The following ERBB4 variants were observed in gnomAD, a reference collection of about 807,000 sequenced individuals.
The protein encoded by ERBB4 is erb-b2 receptor tyrosine kinase 4, also known as receptor tyrosine-protein kinase erbB-4.
A neutral mutation model predicts 158.0 loss-of-function variants in ERBB4; 42 were observed. The observed-to-expected ratio is 0.27, with a 90% CI of 0.21 to 0.34. The LOEUF is 0.34. Among genes scored for constraint, ERBB4 ranks in the 10% least tolerant of loss-of-function variants. The pLI is 1.00. For missense variants in ERBB4, 1,333 were observed against 1,624.1 expected, an observed-to-expected ratio of 0.82 and a Z score of 3.08; for synonymous variants, 583 against 558.7, an observed-to-expected ratio of 1.04 and a Z score of -0.61.
intron 8 of ERBB4, 127 bp from the exon 9 acceptor site, chr2:211,712,303 T>A (rs1456382078): frequency 7.2e-6 from 7 of 977,270 alleles, no homozygotes; most frequent in Non-Finnish European, 9.2e-6. Context: ...ACAAATTTTG[T>A]TTTCTAAAAA....
intron 2 of ERBB4, among the ~76,000 whole-genome samples, chr2:211,985,785 C>CA (rs1487968877): frequency 6.6e-6 from 1 of 151,896 alleles, no homozygotes; most frequent in Non-Finnish European, 1.5e-5. Context: ...TATGGGCAGT[C>CA]ATACTAAAAA....
intron 1 of ERBB4, among the ~76,000 whole-genome samples, chr2:212,363,018 T>C (rs144728315): frequency 0.016 from 2,370 of 151,536 alleles, 26 homozygotes; most frequent in South Asian, 0.066. Context: ...GTATACAATA[T>C]ACATTAATTT....
In ERBB4 at chr2:212,260,664, T is replaced by A. The variant is rs542666401; in HGVS notation, c.83-135761A>T. Among the ~76,000 whole-genome samples the A allele has an allele frequency of 7.6e-4, 116 of 152,016 alleles. 1 individual carries two copies. In the South Asian group the frequency reaches 0.024, roughly 31 times the overall value. On this transcript the variant is annotated intron_variant, in intron 1 of 27. Transcript: ENST00000342788. ...CCCGTCTCTACTAAAAATACAAAAA[T>A]TAGCTGAGCATGGTGGCGGGTGCTT...
intron 20 of ERBB4, among the ~76,000 whole-genome samples, chr2:211,492,081 A>AAG (rs2125573131): frequency 6.6e-6 from 1 of 151,974 alleles, no homozygotes; most frequent in African/African-American, 2.4e-5. Flanking sequence ...AAAAAAAAAA[A>AAG]GAATTAAGCA....
At chr2:212,236,935 T>C (rs33999773) in intron 1 of ERBB4, among the ~76,000 whole-genome samples, 8,135 of 152,202 alleles carry the variant, frequency 0.053, 233 homozygotes, top group Middle Eastern at 0.088. Flanking sequence ...ATTCATTGCT[T>C]TTTTGAAGGG....
chr2:211,524,910 G>GT (rs2066303731), intron 20 of ERBB4, among the ~76,000 whole-genome samples: 1 of 152,192 alleles, frequency 6.6e-6, no homozygotes, highest in South Asian at 2.1e-4. Flanking sequence ...AGCGAGGGCT[G>GT]TAAGGACTGC....
At position 212,469,083 on chromosome 2, in the gene ERBB4, A is replaced by G. The variant is rs10191727; in HGVS notation, c.82+69366T>C. Among the ~76,000 whole-genome samples the G allele has an allele frequency of 3.3e-3, 496 of 152,310 alleles. 2 individuals are homozygous for G. Among genetic ancestry groups the G allele is most frequent in the African/African-American group, 0.011 (475 of 41,584 alleles). ...GTGAATCAAAAGAAATCAAATATCCAAGAAATAGATTTCTTTCTTTATATC... is the reference window on the plus strand; with the variant it reads ...GTGAATCAAAAGAAATCAAATATCCGAGAAATAGATTTCTTTCTTTATATC... On this transcript the variant is annotated intron_variant, in intron 1 of 27. Coordinates refer to ENST00000342788, the MANE Select transcript of ERBB4 (RefSeq NM_005235.3).
chr2:211,944,081 C>CTACATATA (rs71397154), intron 3 of ERBB4, among the ~76,000 whole-genome samples: 1 of 133,600 alleles, frequency 7.5e-6, no homozygotes, highest in African/African-American at 2.9e-5. Flanking sequence ...CATGGTTACA[C>CTACATATA]TATATATATA....
At chr2:211,753,741 A>G (rs2075203748) in intron 4 of ERBB4, among the ~76,000 whole-genome samples, 1 of 147,492 alleles carries the variant, frequency 6.8e-6, no homozygotes. Context: ...TTGTTTATAT[A>G]TATATATTTA....
chr2:211,961,689 A>T (rs1206842850), intron 2 of ERBB4, among the ~76,000 whole-genome samples: 1 of 152,182 alleles, frequency 6.6e-6, no homozygotes, highest in Non-Finnish European at 1.5e-5. Flanking sequence ...AAGTCTCTGG[A>T]TCCAGCTGCC....
rs187344070 is a variant in ERBB4 at position 211,629,579 on chromosome 2, G to A, written c.2079+883C>T. 4.2e-3 allele frequency among the ~76,000 whole-genome samples: 639 copies of A among 152,152 alleles called. 3 individuals are homozygous for A. Among genetic ancestry groups the A allele is most frequent in the African/African-American group, 0.014 (586 of 41,514 alleles). On this transcript the variant is annotated intron_variant, in intron 17 of 27. Coordinates refer to ENST00000342788, the MANE Select transcript of ERBB4 (RefSeq NM_005235.3). ...TTCATATGGAACCAAAAAAGAGCCC[G>A]CATTGCCAAGTCAATCCTAAGCTAA...
intron 2 of ERBB4, among the ~76,000 whole-genome samples, chr2:212,004,801 C>G (rs1489153639): frequency 2.0e-5 from 3 of 151,762 alleles, no homozygotes; most frequent in Non-Finnish European, 4.4e-5. Flanking sequence ...AAACTAATCC[C>G]CTTTAGCCTA....
intron 1 of ERBB4, among the ~76,000 whole-genome samples, chr2:212,482,380 T>A (rs1482378): frequency 3.9e-5 from 6 of 152,034 alleles, no homozygotes; most frequent in Non-Finnish European, 2.9e-5. Context: ...ATGTGGTATA[T>A]CAATCAGCCA....
intron 1 of ERBB4, among the ~76,000 whole-genome samples, chr2:212,487,655 A>G (rs1690047304): frequency 6.6e-6 from 1 of 152,002 alleles, no homozygotes; most frequent in African/African-American, 2.4e-5. Context: ...TATAATCCAT[A>G]TTACATGCCA....
chr2:212,174,923 C>T lies in ERBB4; in HGVS notation c.83-50020G>A, dbSNP rs562938400. ...AAGTCTACTATTTACAGGTTCATCT[C>T]TTGCCATTCTACCTAATTCATCCCA... On this transcript the variant is annotated intron_variant, in intron 1 of 27. Transcript: ENST00000342788. Among the ~76,000 whole-genome samples the T allele has an allele frequency of 3.3e-5, 5 of 152,150 alleles. No homozygotes were observed. In the South Asian group the frequency reaches 8.3e-4, roughly 25 times the overall value.
intron 2 of ERBB4, among the ~76,000 whole-genome samples, chr2:212,047,037 G>A (rs1445384093): frequency 6.6e-6 from 1 of 151,786 alleles, no homozygotes; most frequent in African/African-American, 2.4e-5. Flanking sequence ...TATATTTTTG[G>A]GTTCTCTATT....
intron 10 of ERBB4, among the ~76,000 whole-genome samples, chr2:211,704,419 T>G (rs1342323549): frequency 1.3e-5 from 2 of 152,204 alleles, no homozygotes; most frequent in Non-Finnish European, 2.9e-5. Context: ...TCAGTTTGAT[T>G]TATTCTTATA....
chr2:212,031,710 CA>C (rs2076906852), intron 2 of ERBB4, among the ~76,000 whole-genome samples: 1 of 151,998 alleles, frequency 6.6e-6, no homozygotes, highest in African/African-American at 2.4e-5. Flanking sequence ...CCAGTTTGAA[CA>C]AAAAATTAAA....
At chr2:212,001,093 C>A (rs573813891) in intron 2 of ERBB4, among the ~76,000 whole-genome samples, 1 of 151,828 alleles carries the variant, frequency 6.6e-6, no homozygotes, top group South Asian at 2.1e-4. Flanking sequence ...TTTAAATATG[C>A]CCTAAATATT....
Sources: allele counts gnomAD v4.1 joint callset (sites outside exome capture counted in the v4.1 genomes callset), GRCh38; gene constraint gnomAD v4.1.1; transcripts MANE v1.5; gene names NCBI Gene and HGNC (gene_info 2026-07-23, HGNC 2026-07-21).